Variants in KDM4B observed in about 807,000 individuals in gnomAD.
The protein encoded by KDM4B is lysine-specific demethylase 4B.
Under a neutral mutation model 125.2 loss-of-function variants are expected in KDM4B, and 32 were observed. The ratio of observed to expected loss-of-function variants is 0.26; its 90% CI spans 0.19 to 0.34. KDM4B has a LOEUF of 0.34. Among genes scored for constraint, KDM4B ranks in the 10% least tolerant of loss-of-function variants. KDM4B has a pLI of 1.00. For synonymous variants in KDM4B, 721 were observed against 677.9 expected, an observed-to-expected ratio of 1.06 and a Z score of -0.99; for missense variants, 1,190 against 1,577.7, an observed-to-expected ratio of 0.75 and a Z score of 4.16.
At chr19:5,036,752 G>A (rs1373960010) in intron 3 of KDM4B, among the ~76,000 whole-genome samples, 1 of 152,274 alleles carries the variant, frequency 6.6e-6, no homozygotes, top group African/African-American at 2.4e-5. Context: ...GCGGCTTTCA[G>A]TGCCTCCTTT....
chr19:5,123,400 G>T (rs367718031), intron 11 of KDM4B, among the ~76,000 whole-genome samples: 1 of 152,172 alleles, frequency 6.6e-6, no homozygotes, highest in African/African-American at 2.4e-5. Flanking sequence ...TTGTGTTCCC[G>T]TGTTCTCCCG....
intron 2 of KDM4B, among the ~76,000 whole-genome samples, chr19:5,022,037 C>T (rs2036138729): frequency 6.6e-6 from 1 of 152,168 alleles, no homozygotes; most frequent in Admixed American, 6.5e-5. Context: ...TTTGTTTTCT[C>T]CTCTGCAGTT....
chr19:5,124,432 G>A (rs1161111832), intron 11 of KDM4B, among the ~76,000 whole-genome samples: 1 of 152,168 alleles, frequency 6.6e-6, no homozygotes, highest in Non-Finnish European at 1.5e-5. Context: ...TGGGTTCTCA[G>A]TGGGGCCTCC....
chr19:5,091,904 G>A (rs1327011056), intron 9 of KDM4B, among the ~76,000 whole-genome samples: 1 of 152,198 alleles, frequency 6.6e-6, no homozygotes, highest in Non-Finnish European at 1.5e-5. Flanking sequence ...TGGACGCATC[G>A]TGTGTGCCGC....
chr19:5,084,311 G>GTATAATTTATATATTGTA (rs2038399683), intron 9 of KDM4B, among the ~76,000 whole-genome samples: 2 of 144,292 alleles, frequency 1.4e-5, no homozygotes, highest in African/African-American at 5.1e-5. Context: ...TATATATTAT[G>GTATAATTTATATATTGTA]TATAATTTAT....
intron 2 of KDM4B, among the ~76,000 whole-genome samples, chr19:5,019,171 CTGGTGTGGGTGTTGGTGTGGGTGT>C (rs1204760837): frequency 1.4e-5 from 1 of 73,436 alleles, no homozygotes; most frequent in African/African-American, 5.8e-5. Context: ...TGTGCAGGTG[CTGGTGTGGGTGTTGGTGTGGGTGT>C]TGGTGTGCAG....
intron 1 of KDM4B, among the ~76,000 whole-genome samples, chr19:5,013,117 C>A (rs1039617384): frequency 9.9e-5 from 15 of 152,206 alleles, no homozygotes; most frequent in Non-Finnish European, 2.9e-5. Context: ...AGAGGGAGGG[C>A]AGAAGGACCC....
At chr19:5,127,510 A>G (rs984317286) in intron 11 of KDM4B, among the ~76,000 whole-genome samples, 1 of 152,314 alleles carries the variant, frequency 6.6e-6, no homozygotes, top group South Asian at 2.1e-4. Context: ...GGTGCGGGCT[A>G]TGCGTGGAGT....
intron 10 of KDM4B, 44 bp downstream of exon 10, chr19:5,110,862 GGGGTGGCCCTGCT>G (rs2039129899): frequency 3.4e-6 from 5 of 1,482,524 alleles, no homozygotes; most frequent in Non-Finnish European, 3.6e-6. Flanking sequence ...AGCATCACGG[GGGGTGGCCCTGCT>G]GGGTGGCCCA....
intron 3 of KDM4B, 74 bp from the exon 4 acceptor site, chr19:5,039,762 C>T (rs1260884245): frequency 1.4e-5 from 21 of 1,521,652 alleles, no homozygotes; most frequent in South Asian, 6.1e-5. Context: ...TCTGGGGAGC[C>T]GGTGGCACAG....
chr19:5,062,600 G>C (rs1443358587), intron 6 of KDM4B, among the ~76,000 whole-genome samples: 1 of 152,082 alleles, frequency 6.6e-6, no homozygotes, highest in Non-Finnish European at 1.5e-5. Context: ...TACCCTAGTG[G>C]GTTTAGAGTG....
intron 9 of KDM4B, among the ~76,000 whole-genome samples, chr19:5,100,262 C>G (rs1276895726): frequency 1.3e-5 from 2 of 152,226 alleles, no homozygotes; most frequent in African/African-American, 4.8e-5. Flanking sequence ...TTCTGGTAAA[C>G]TTTCTTGAAT....
chr19:5,045,348 C>G (rs531570374), intron 5 of KDM4B, among the ~76,000 whole-genome samples: 22 of 152,216 alleles, frequency 1.4e-4, no homozygotes, highest in African/African-American at 4.8e-4. Flanking sequence ...TGTGTGTTTC[C>G]TTGGTGAGCT....
At chr19:5,067,995 A>G (rs2037828065) in intron 6 of KDM4B, among the ~76,000 whole-genome samples, 1 of 152,144 alleles carries the variant, frequency 6.6e-6, no homozygotes, top group African/African-American at 2.4e-5. Context: ...ACTTGGTTTT[A>G]CAGCCCCGAG....
intron 1 of KDM4B, among the ~76,000 whole-genome samples, chr19:5,002,398 TTCCTTTCTCTC>T (rs150830709): frequency 0.22 from 32,715 of 151,050 alleles, 3,665 homozygotes; most frequent in African/African-American, 0.27. Flanking sequence ...CTCCTTTCCT[TTCCTTTCTCTC>T]TCCTTTCTCT....
chr19:5,044,265 G>A (rs576662329), intron 5 of KDM4B, among the ~76,000 whole-genome samples: 2 of 37,488 alleles, frequency 5.3e-5, no homozygotes, highest in East Asian at 1.6e-3. Flanking sequence ...CTTATCCCGC[G>A]TGGTGTTTAT....
At chr19:5,130,382 T>TA (rs565518320) in intron 11 of KDM4B, among the ~76,000 whole-genome samples, 99 of 150,992 alleles carry the variant, frequency 6.6e-4, no homozygotes, top group Non-Finnish European at 5.3e-4. Flanking sequence ...GGCCCCAAAG[T>TA]AAAATGCCAC....
At chr19:5,146,538 G>A (rs934545035) in intron 21 of KDM4B, among the ~76,000 whole-genome samples, 1 of 152,210 alleles carries the variant, frequency 6.6e-6, no homozygotes, top group Non-Finnish European at 1.5e-5. Context: ...TTAGACCAAG[G>A]GCAAGGTCGA....
At chr19:5,079,402 G>T (rs542169944) in intron 8 of KDM4B, among the ~76,000 whole-genome samples, 1 of 152,332 alleles carries the variant, frequency 6.6e-6, no homozygotes, top group African/African-American at 2.4e-5. Flanking sequence ...AGGTTTTCTC[G>T]CAGGAACATA....
Sources: gnomAD v4.1 joint callset for allele counts (sites outside exome capture counted in the v4.1 genomes callset) on GRCh38, gnomAD v4.1.1 for gene constraint, MANE v1.5 for transcripts, NCBI Gene and HGNC (gene_info 2026-07-23, HGNC 2026-07-21) for gene names.